TAFA2: variants seen among roughly 807,000 people sequenced by gnomAD.
TAFA2 encodes the protein chemokine-like protein TAFA-2.
TAFA2 carries 7 observed loss-of-function variants against 18.8 expected under a neutral mutation model. That is an observed-to-expected ratio of 0.37 (90% CI 0.21 to 0.70). The LOEUF (loss-of-function observed/expected upper bound fraction) is 0.70. Among genes scored for constraint, TAFA2 ranks in the 30% least tolerant of loss-of-function variants. The probability of loss-of-function intolerance (pLI) is 0.53; values close to 1 mark genes in which losing one functional copy is unlikely to be tolerated. For synonymous variants in TAFA2, 60 were observed against 54.2 expected, an observed-to-expected ratio of 1.11 and a Z score of -0.47; for missense variants, 122 against 158.1, an observed-to-expected ratio of 0.77 and a Z score of 1.23.
intron 1 of TAFA2, among the ~76,000 whole-genome samples, chr12:62,060,637 T>A (rs1186282987): frequency 6.6e-6 from 1 of 152,158 alleles, no homozygotes; most frequent in Non-Finnish European, 1.5e-5. Flanking sequence ...CAGGAGGTAT[T>A]CCAGAAGAAG....
chr12:61,999,744 G>C (rs75483527), intron 1 of TAFA2, among the ~76,000 whole-genome samples: 172 of 152,252 alleles, frequency 1.1e-3, no homozygotes, highest in African/African-American at 3.9e-3. Context: ...ACAGTGTCTG[G>C]CACAAATTAT....
intron 1 of TAFA2, among the ~76,000 whole-genome samples, chr12:62,248,802 T>C (rs1261094535): frequency 6.6e-6 from 1 of 152,190 alleles, no homozygotes; most frequent in Non-Finnish European, 1.5e-5. Flanking sequence ...CATTTTTAAG[T>C]GTGTGATTTA....
At chr12:62,233,714 C>G (rs919567831) in intron 1 of TAFA2, among the ~76,000 whole-genome samples, 45 of 152,154 alleles carry the variant, frequency 3.0e-4, no homozygotes, top group African/African-American at 1.0e-3. Flanking sequence ...TTTGAGTATC[C>G]AAGACCTCAA....
chr12:62,232,512 C>A (rs962885142), intron 1 of TAFA2, among the ~76,000 whole-genome samples: 4 of 152,052 alleles, frequency 2.6e-5, no homozygotes, highest in Admixed American at 2.6e-4. Context: ...AGAGAGTCCA[C>A]GTCTTTGTTT....
intron 1 of TAFA2, among the ~76,000 whole-genome samples, chr12:62,167,718 G>C (rs905751704): frequency 3.5e-4 from 54 of 152,266 alleles, no homozygotes; most frequent in African/African-American, 1.3e-3. Flanking sequence ...CTAGCTCCCA[G>C]ACTGTAGTTC....
chr12:61,886,859 A>G (rs538765535), intron 1 of TAFA2, among the ~76,000 whole-genome samples: 1 of 152,320 alleles, frequency 6.6e-6, no homozygotes, highest in African/African-American at 2.4e-5. Context: ...GATAGTACTG[A>G]ATAGTGGGAA....
At chr12:61,771,827 G>GA (rs978777374) in intron 2 of TAFA2, among the ~76,000 whole-genome samples, 4 of 126,730 alleles carry the variant, frequency 3.2e-5, no homozygotes, top group African/African-American at 5.6e-5. Context: ...AGGAACTAGA[G>GA]AAAAAAGAAC....
At chr12:61,907,534 G>T (rs1876412675) in intron 1 of TAFA2, among the ~76,000 whole-genome samples, 2 of 152,228 alleles carry the variant, frequency 1.3e-5, no homozygotes, top group Admixed American at 1.3e-4. Context: ...GAAGTTTGCT[G>T]CAGGGGTGGG....
chr12:61,721,135 A>G (rs1440000112), intron 4 of TAFA2, among the ~76,000 whole-genome samples: 6 of 152,166 alleles, frequency 3.9e-5, no homozygotes, highest in Non-Finnish European at 1.5e-5. Flanking sequence ...TCAAAGAGAC[A>G]CACACCTTTA....
chr12:62,169,298 A>G (rs542513636), intron 1 of TAFA2, among the ~76,000 whole-genome samples: 97 of 152,328 alleles, frequency 6.4e-4, no homozygotes, highest in African/African-American at 2.2e-3. Context: ...CAATGGAGTT[A>G]GCACTCCAAT....
chr12:62,029,785 G>A (rs348692), intron 1 of TAFA2, among the ~76,000 whole-genome samples: 37,875 of 150,656 alleles, frequency 0.25, 4,733 homozygotes, highest in Admixed American at 0.27. Flanking sequence ...ATGCCCACAC[G>A]GAAGAACCAC....
intron 1 of TAFA2, among the ~76,000 whole-genome samples, chr12:62,137,919 C>A (rs866731355): frequency 6.6e-6 from 1 of 152,114 alleles, no homozygotes; most frequent in Non-Finnish European, 1.5e-5. Context: ...AGGTCTCAGA[C>A]CTGCCTCTCT....
chr12:61,952,203 C>G lies in TAFA2; in HGVS notation c.-1-84777G>C, dbSNP rs140883613. Among the ~76,000 whole-genome samples, 344 of 152,216 alleles carry G rather than the reference C, an allele frequency of 2.3e-3. 2 individuals carry two copies. Among genetic ancestry groups the G allele is most frequent in the African/African-American group, 7.9e-3 (327 of 41,544 alleles). ...AGACAGATGTAGCCAAGACAGATAT[C>G]TGCACAGCCCATTTTACACCACAGA... is the stretch of plus-strand genomic sequence containing the variant. On this transcript the variant is annotated intron_variant, in intron 1 of 4. Coordinates refer to ENST00000416284, the MANE Select transcript of TAFA2 (RefSeq NM_178539.5).
At chr12:62,103,782 A>T (rs569440833) in intron 1 of TAFA2, among the ~76,000 whole-genome samples, 2 of 152,238 alleles carry the variant, frequency 1.3e-5, no homozygotes, top group South Asian at 4.1e-4. Context: ...TTCCTCATAA[A>T]CACCTGGGAA....
chr12:61,766,232 C>A (rs11174166), intron 2 of TAFA2, among the ~76,000 whole-genome samples: 2,363 of 152,194 alleles, frequency 0.016, 32 homozygotes, highest in Non-Finnish European at 0.023. Flanking sequence ...ATTTGTGGCT[C>A]TTCATTTTTT....
chr12:62,224,029 T>C (rs1317709838), intron 1 of TAFA2, among the ~76,000 whole-genome samples: 1 of 151,152 alleles, frequency 6.6e-6, no homozygotes, highest in African/African-American at 2.4e-5. Context: ...TGGAAGCAAC[T>C]CAGGTATCCA....
chr12:62,066,108 G>GT (rs1185329054), intron 1 of TAFA2, among the ~76,000 whole-genome samples: 2 of 144,308 alleles, frequency 1.4e-5, no homozygotes, highest in Admixed American at 1.4e-4. Flanking sequence ...GGATAACACT[G>GT]TTTTTTGCTG....
At chr12:61,966,271 G>A (rs541629225) in intron 1 of TAFA2, among the ~76,000 whole-genome samples, 2 of 152,002 alleles carry the variant, frequency 1.3e-5, no homozygotes, top group South Asian at 4.1e-4. Flanking sequence ...TAAGATCAAG[G>A]CATTGGCAGG....
At chr12:61,727,929 C>T (rs923123965) in intron 4 of TAFA2, among the ~76,000 whole-genome samples, 1 of 151,558 alleles carries the variant, frequency 6.6e-6, no homozygotes, top group African/African-American at 2.4e-5. Flanking sequence ...TCATTCAGTT[C>T]AAACAATTTT....
Sources: allele counts gnomAD v4.1 joint callset (sites outside exome capture counted in the v4.1 genomes callset), GRCh38; gene constraint gnomAD v4.1.1; transcripts MANE v1.5; gene names NCBI Gene and HGNC (gene_info 2026-07-23, HGNC 2026-07-21).